Variants in CSMD1 observed in about 807,000 individuals in gnomAD.
CSMD1 encodes CUB and sushi domain-containing protein 1.
In CSMD1, 213 loss-of-function variants were observed where a neutral mutation model predicts 417.5. That is an observed-to-expected ratio of 0.51 (90% confidence interval 0.46 to 0.57). CSMD1 has a LOEUF of 0.57. Ranked by LOEUF, CSMD1 falls within the 20% of genes least tolerant of loss-of-function variation. CSMD1 has a pLI of 0.00. For synonymous variants in CSMD1, 2,862 were observed against 1,736.8 expected (o/e 1.65, Z -16.11); for missense variants, 6,923 against 4,529.7 (o/e 1.53, Z -15.17).
intron 26 of CSMD1, among the ~76,000 whole-genome samples, chr8:3,273,773 G>C (rs1227818392): frequency 6.9e-6 from 1 of 144,352 alleles, no homozygotes; most frequent in Admixed American, 7.0e-5. Flanking sequence ...GGGATTGGTG[G>C]TGATATCCCC....
chr8:4,192,100 G>T (rs371766276), intron 3 of CSMD1, among the ~76,000 whole-genome samples: 2 of 152,206 alleles, frequency 1.3e-5, no homozygotes, highest in East Asian at 3.9e-4. Context: ...CAAAAACGTG[G>T]GAAGGAGAAG....
intron 3 of CSMD1, among the ~76,000 whole-genome samples, chr8:4,213,249 C>T (rs1243559867): frequency 6.6e-6 from 1 of 152,174 alleles, no homozygotes; most frequent in Non-Finnish European, 1.5e-5. Context: ...TGGCTCCATT[C>T]TGTCAGCAAG....
chr8:3,732,566 A>T (rs1796325786), intron 6 of CSMD1, among the ~76,000 whole-genome samples: 1 of 152,188 alleles, frequency 6.6e-6, no homozygotes, highest in Non-Finnish European at 1.5e-5. Flanking sequence ...AAACACCCTG[A>T]CTTTATGCCC....
At chr8:3,635,462 C>T (rs1796990102) in intron 7 of CSMD1, among the ~76,000 whole-genome samples, 1 of 148,182 alleles carries the variant, frequency 6.7e-6, no homozygotes, top group African/African-American at 2.5e-5. Flanking sequence ...CCAGCCTGGG[C>T]AATGGAGCAA....
chr8:4,201,786 C>G (rs987641735), intron 3 of CSMD1, among the ~76,000 whole-genome samples: 3 of 151,262 alleles, frequency 2.0e-5, no homozygotes, highest in African/African-American at 7.3e-5. Flanking sequence ...GTTTATGTAC[C>G]TAACCTCCTG....
intron 3 of CSMD1, among the ~76,000 whole-genome samples, chr8:4,150,713 G>A (rs1796523876): frequency 6.6e-6 from 1 of 152,160 alleles, no homozygotes; most frequent in African/African-American, 2.4e-5. Context: ...GGTGTGGAAA[G>A]CAGATTCAGA....
At chr8:4,367,420 GTC>G (rs1802143415) in intron 3 of CSMD1, among the ~76,000 whole-genome samples, 1 of 152,078 alleles carries the variant, frequency 6.6e-6, no homozygotes, top group Admixed American at 6.6e-5. Flanking sequence ...TGGTCTATGT[GTC>G]TATTTCTGTA....
At chr8:4,177,167 C>T (rs1323905056) in intron 3 of CSMD1, among the ~76,000 whole-genome samples, 1 of 151,964 alleles carries the variant, frequency 6.6e-6, no homozygotes, top group Non-Finnish European at 1.5e-5. Context: ...CAAAATTGAC[C>T]ACATAGCTGG....
intron 1 of CSMD1, among the ~76,000 whole-genome samples, chr8:4,828,578 G>A (rs574142997): frequency 1.3e-5 from 2 of 151,952 alleles, no homozygotes; most frequent in African/African-American, 4.8e-5. Context: ...CCAGACTGTT[G>A]TGCCTACCAC....
chr8:3,547,986 A>G (rs7830571), intron 10 of CSMD1, among the ~76,000 whole-genome samples: 2,177 of 148,594 alleles, frequency 0.015, 58 homozygotes, highest in African/African-American at 0.05. Flanking sequence ...ATGGTAAAGA[A>G]AAAAATAACT....
intron 3 of CSMD1, among the ~76,000 whole-genome samples, chr8:4,314,143 C>T (rs1183327852): frequency 1.3e-5 from 2 of 152,044 alleles, no homozygotes; most frequent in Non-Finnish European, 2.9e-5. Flanking sequence ...AGACTGTCAA[C>T]ACATCCGAAG....
At chr8:3,410,759 G>C (rs1276795068) in intron 12 of CSMD1, among the ~76,000 whole-genome samples, 1 of 152,070 alleles carries the variant, frequency 6.6e-6, no homozygotes, top group Admixed American at 6.6e-5. Context: ...ATTTTTTTGA[G>C]ACAGGATCTC....
intron 1 of CSMD1, among the ~76,000 whole-genome samples, chr8:4,728,712 T>G (rs189488013): frequency 4.7e-4 from 71 of 152,250 alleles, no homozygotes; most frequent in Admixed American, 4.2e-3. Context: ...TTTCTATTTG[T>G]GATCGTATTT....
Position 4,948,634 on chromosome 8 carries a change from A to T in CSMD1, c.85+45698T>A, listed in dbSNP as rs1808527409. On this transcript the variant is annotated intron_variant, in intron 1 of 69. Transcript: ENST00000635120. ...AATTACATTATAAAATTATCACTGAAATATAGTATTATAAATATGTTGCTA... is the reference window on the plus strand; with the variant it reads ...AATTACATTATAAAATTATCACTGATATATAGTATTATAAATATGTTGCTA... 2.0e-5 allele frequency among the ~76,000 whole-genome samples: 3 copies of T among 152,074 alleles called. No individual in the cohort carries two copies. In the South Asian group the frequency reaches 6.2e-4, roughly 31 times the overall value.
rs765937222 is a variant in CSMD1, at chr8:3,396,381, T to C, written c.2406A>G (p.Arg802=). ...PGHSIKITFD[R]FQTEVNYDTL... ...TGTCATAATTGACCTCTGTCTGAAA[T>C]CTGCAAATATATACATCCCATCAGA... Residue 802 remains arginine (R), a splice_region_variant and synonymous_variant, in exon 17 of 70, where the codon AGA becomes AGG. Coordinates refer to ENST00000635120, the MANE Select transcript of CSMD1 (RefSeq NM_033225.6). 6.4e-7 allele frequency: 1 copy of C among 1,568,984 alleles called. No homozygotes were observed. The highest frequency in any genetic ancestry group is 8.6e-7 in the Non-Finnish European group (1 of 1,157,422).
intron 11 of CSMD1, 21 bp from the exon 12 acceptor site, chr8:3,468,845 A>T (rs761606371): frequency 3.9e-6 from 6 of 1,532,498 alleles, no homozygotes; most frequent in Non-Finnish European, 5.3e-6. Context: ...GAGAAATGTC[A>T]AAGCTTTTAG....
intron 1 of CSMD1, among the ~76,000 whole-genome samples, chr8:4,976,927 T>A (rs933703947): frequency 2.6e-5 from 4 of 152,140 alleles, no homozygotes; most frequent in Non-Finnish European, 5.9e-5. Flanking sequence ...GAGCATCAAG[T>A]GTGTTCTGAA....
At chr8:4,187,376 G>C (rs771392921) in intron 3 of CSMD1, among the ~76,000 whole-genome samples, 4 of 152,162 alleles carry the variant, frequency 2.6e-5, no homozygotes, top group Admixed American at 1.3e-4. Flanking sequence ...GCCAGGCACG[G>C]TGGCTGATGC....
intron 2 of CSMD1, among the ~76,000 whole-genome samples, chr8:4,463,361 G>A (rs1799958452): frequency 6.6e-6 from 1 of 152,144 alleles, no homozygotes. Context: ...CGTCTATTTT[G>A]TAAAATACTC....
Sources: gnomAD v4.1 joint callset for allele counts (sites outside exome capture counted in the v4.1 genomes callset) on GRCh38, gnomAD v4.1.1 for gene constraint, MANE v1.5 for transcripts, NCBI Gene and HGNC (gene_info 2026-07-23, HGNC 2026-07-21) for gene names.